COL16A1: variants seen among roughly 807,000 people sequenced by gnomAD.
COL16A1 encodes collagen type XVI alpha 1 chain.
COL16A1 carries 189 observed loss-of-function variants against 266.3 expected under a neutral mutation model. The ratio of observed to expected loss-of-function variants is 0.71; its 90% CI spans 0.63 to 0.80. The LOEUF is 0.80. Among genes scored for constraint, COL16A1 ranks in the 30% least tolerant of loss-of-function variants. The probability of loss-of-function intolerance (pLI) is 0.00; values close to 1 mark genes in which losing one functional copy is unlikely to be tolerated. For synonymous variants in COL16A1, 740 were observed against 782.3 expected, an observed-to-expected ratio of 0.95 and a Z score of 0.90; for missense variants, 1,928 against 2,122.4, an observed-to-expected ratio of 0.91 and a Z score of 1.80.
chr1:31,665,741 A>C, intron 54 of COL16A1, 123 bp from the exon 55 acceptor site: 2 of 1,593,242 alleles, frequency 1.3e-6, no homozygotes, highest in East Asian at 2.2e-5. Context: ...CCCTCTGCCC[A>C]CCATGGCTGG....
Position 31,697,377 on chromosome 1 carries a change from G to C in COL16A1, c.658-77C>G. The stretch of plus-strand genomic sequence containing the variant: ...GTCCTGGCCCCCCAGGAGGCACAGA[G>C]ATGTCTCTGCCCCAGGATGTGACCT... On this transcript the variant is annotated intron_variant, in intron 6 of 70. Transcript: ENST00000373672. The surrounding 1 kb of genome is among the most constrained non-coding windows in gnomAD (Gnocchi z 4.2). 2.1e-6 allele frequency: 3 copies of C among 1,402,210 alleles called. No individual in the cohort carries two copies. Among genetic ancestry groups the C allele is most frequent in the Non-Finnish European group, 2.9e-6 (3 of 1,023,808 alleles). 86.9% of individuals were successfully genotyped at this position (1,402,210 alleles called of 1,614,324 possible). A position where few individuals can be genotyped will look rare whatever the true frequency, so the allele number is the denominator to read the frequency against.
chr1:31,665,186 G>T lies in COL16A1; in HGVS notation c.3541C>A (p.Pro1181Thr). The T allele has an allele frequency of 6.2e-7, 1 of 1,603,264 alleles. No homozygotes were observed. The highest frequency in any genetic ancestry group is 1.3e-5 in the African/African-American group (1 of 74,228). ...GTCCTGCTCACCTTCTCTGCTTGAG[G>T]GCCAGGTGGGCCAGGTGATCCAACT... ...GKVGSPGPPG[P>T]QAEKGSEGIR... is the part of the protein sequence containing the mutation. The change falls in exon 56 of 71, where the codon CCT becomes ACT. Residue 1181 changes from proline to threonine, a missense_variant. Pro to Thr is a conservative substitution (Grantham distance 38). Transcript: ENST00000373672.
chr1:31,665,404 C>A (rs982326745), intron 55 of COL16A1, 170 bp from the exon 56 acceptor site: 26 of 1,421,000 alleles, frequency 1.8e-5, no homozygotes, highest in Non-Finnish European at 2.5e-5. Flanking sequence ...GGGGCCCACA[C>A]AAGAGGCTGG....
rs145066293 is a variant in COL16A1, at chr1:31,697,643, C to T, written c.657+263G>A. Reference sequence around the variant, plus strand: ...CACGGCAGTGTGAAAGCACTGGGTGCGCTGGATGGCTAGGATGGAATTGAT... The same window carrying T: ...CACGGCAGTGTGAAAGCACTGGGTGTGCTGGATGGCTAGGATGGAATTGAT... On this transcript the variant is annotated intron_variant, in intron 6 of 70. Transcript: ENST00000373672. The surrounding 1 kb of genome is among the most constrained non-coding windows in gnomAD (Gnocchi z 4.2). 4.1e-4 allele frequency among the ~76,000 whole-genome samples: 62 copies of T among 152,142 alleles called. No individual in the cohort carries two copies. The highest frequency in any genetic ancestry group is 2.2e-3 in the Admixed American group (34 of 15,280).
At position 31,662,628 on chromosome 1, in the gene COL16A1, G is replaced by A. The variant is rs1249417653; in HGVS notation, c.3586C>T (p.Leu1196=). Residue 1196 remains leucine (L), a synonymous_variant, in exon 57 of 71, where the codon CTG becomes TTG. Coordinates refer to ENST00000373672, the MANE Select transcript of COL16A1 (RefSeq NM_001856.4). Reference sequence around the variant, plus strand: ...CCCGGTGGCCCAGGGGAGCCAGGCAGGCCTGATGGGCCTCGAATCCCTTCG... The same window carrying A: ...CCCGGTGGCCCAGGGGAGCCAGGCAAGCCTGATGGGCCTCGAATCCCTTCG... ...GSEGIRGPSG[L]PGSPGPPGPP... 2 of 1,556,952 alleles carry A rather than the reference G, an allele frequency of 1.3e-6. No homozygotes were observed. The highest frequency in any genetic ancestry group is 1.7e-6 in the Non-Finnish European group (2 of 1,151,176).
chr1:31,688,340 T>C lies in COL16A1; in HGVS notation c.1803+127A>G. On this transcript the variant is annotated intron_variant, in intron 26 of 70. Coordinates refer to ENST00000373672, the MANE Select transcript of COL16A1 (RefSeq NM_001856.4). This position sits in a 1 kb window ranked among gnomAD's most constrained non-coding sequence, Gnocchi z 4.9. ...TCAAGTCTGCAAAACACTAGTAAAT[T>C]AATTTCACTGTGAATTTACCGTCTG... The C allele has an allele frequency of 9.1e-7, 1 of 1,098,936 alleles. No homozygotes were observed. The highest frequency in any genetic ancestry group is 1.4e-6 in the Non-Finnish European group (1 of 728,132). 68.1% of individuals were successfully genotyped at this position (1,098,936 alleles called of 1,614,324 possible).
intron 62 of COL16A1, among the ~76,000 whole-genome samples, chr1:31,659,283 G>A (rs1326541375): frequency 6.6e-6 from 1 of 152,160 alleles, no homozygotes. Context: ...TTACTCCCTG[G>A]CCTAGGTGGC....
At chr1:31,703,305 G>A (rs192459400) in intron 1 of COL16A1, among the ~76,000 whole-genome samples, 1 of 152,208 alleles carries the variant, frequency 6.6e-6, no homozygotes, top group African/African-American at 2.4e-5. Flanking sequence ...CCTCAATCAT[G>A]GATAGGAAAT....
At chr1:31,674,598 C>T (rs1333957657) in intron 44 of COL16A1, among the ~76,000 whole-genome samples, 1 of 152,248 alleles carries the variant, frequency 6.6e-6, no homozygotes, top group Non-Finnish European at 1.5e-5. Flanking sequence ...TAGAGAACAG[C>T]TGAAGCTTTC....
chr1:31,672,547 C>T, intron 46 of COL16A1, 45 bp from the exon 47 acceptor site: 1 of 1,613,262 alleles, frequency 6.2e-7, no homozygotes, highest in East Asian at 2.2e-5. Context: ...CAGGGCCTGT[C>T]CCTGTGGGGC....
Position 31,656,981 on chromosome 1 carries a change from C to T in COL16A1, c.4056+52G>A, listed in dbSNP as rs913216977. Reference sequence around the variant, plus strand: ...AAAATGAAGAGGGGTCAGGGCAAGGCGAGGAGCAAGAAGCACCCCCAAGGA... The same window carrying T: ...AAAATGAAGAGGGGTCAGGGCAAGGTGAGGAGCAAGAAGCACCCCCAAGGA... On this transcript the variant is annotated intron_variant, in intron 65 of 70. Transcript: ENST00000373672. The surrounding 1 kb of genome is among the most constrained non-coding windows in gnomAD (Gnocchi z 4.2). 147 of 1,612,694 alleles carry T rather than the reference C, an allele frequency of 9.1e-5. No homozygotes were observed. Among genetic ancestry groups the T allele is most frequent in the Non-Finnish European group, 1.2e-4 (139 of 1,178,904 alleles).
At position 31,691,423 on chromosome 1, in the gene COL16A1, C is replaced by G. The variant is rs1360176108; in HGVS notation, c.1392G>C (p.Gly464=). The change falls in exon 19 of 71, where the codon GGG becomes GGC. Residue 464 remains glycine (G), a synonymous_variant. Coordinates refer to ENST00000373672, the MANE Select transcript of COL16A1 (RefSeq NM_001856.4). ...GAAGCAAGGGGGTACTCACCGGGGT[C>G]CCAGGCAGTCCTATCCCAGGGGGTC... ...LPGPPGIGLP[G]TPGDPGGPPG... The G allele has an allele frequency of 1.2e-6, 2 of 1,610,794 alleles. No individual in the cohort carries two copies. The highest frequency in any genetic ancestry group is 1.7e-5 in the Admixed American group (1 of 59,690).
chr1:31,689,684 C>T, intron 23 of COL16A1, 57 bp downstream of exon 23: 2 of 1,404,594 alleles, frequency 1.4e-6, no homozygotes, highest in Non-Finnish European at 2.0e-6. Flanking sequence ...ATGATCATGT[C>T]CCCAGGTTTC....
rs140698315 is a variant in COL16A1 at position 31,661,025 on chromosome 1, A to T, written c.3825+41T>A. On this transcript the variant is annotated intron_variant, in intron 61 of 70. Transcript: ENST00000373672. ...TGCATCCCAGACTCTGCAGAGTCTG[A>T]AGGCAAACTGAAGGCAGCCATGTGG... The T allele has an allele frequency of 6.6e-3, 10,255 of 1,544,050 alleles. 61 individuals carry two copies. Among genetic ancestry groups the T allele is most frequent in the Middle Eastern group, 0.046 (274 of 5,936 alleles).
intron 68 of COL16A1, 129 bp downstream of exon 68, chr1:31,654,663 G>A: frequency 6.5e-7 from 1 of 1,543,718 alleles, no homozygotes; most frequent in Non-Finnish European, 8.8e-7. Context: ...TCAACCCCAG[G>A]CCTGTGAGTG....
chr1:31,699,939 G>C lies in COL16A1; in HGVS notation c.149-9C>G, dbSNP rs758937152. 6.2e-7 allele frequency: 1 copy of C among 1,606,798 alleles called. No individual in the cohort carries two copies. Among genetic ancestry groups the C allele is most frequent in the Non-Finnish European group, 8.5e-7 (1 of 1,173,180 alleles). ...GTGGATGAGGTTGAAGCCTTTGGGG[G>C]AGACATCAGGTGAAGAGCTCAGCTG... On this transcript the variant is annotated splice_polypyrimidine_tract_variant and intron_variant, in intron 3 of 70. Coordinates refer to ENST00000373672, the MANE Select transcript of COL16A1 (RefSeq NM_001856.4).
Position 31,685,746 on chromosome 1 carries a change from C to T in COL16A1, c.1909G>A (p.Ala637Thr). The change falls in exon 29 of 71, where the codon GCC becomes ACC. Residue 637 changes from alanine (A) to threonine (T), a missense_variant. Coordinates refer to ENST00000373672, the MANE Select transcript of COL16A1 (RefSeq NM_001856.4). The surrounding 1 kb of genome is among the most constrained non-coding windows in gnomAD (Gnocchi z 4.0). The part of the protein sequence containing the change: ...AKGEPCEPCP[A>T]LSNLQDGDVR... Reference sequence around the variant, plus strand: ...TCCCCATCCTGAAGGTTGGACAGGGCTGGGCACGGCTCACAGGGCTCCCCC... The same window carrying T: ...TCCCCATCCTGAAGGTTGGACAGGGTTGGGCACGGCTCACAGGGCTCCCCC... The T allele has an allele frequency of 1.2e-6, 2 of 1,613,978 alleles. No homozygotes were observed. Among genetic ancestry groups the T allele is most frequent in the Non-Finnish European group, 1.7e-6 (2 of 1,180,024 alleles).
chr1:31,692,732 T>C, intron 14 of COL16A1, 35 bp downstream of exon 14: 1 of 1,613,318 alleles, frequency 6.2e-7, no homozygotes, highest in South Asian at 1.1e-5. Context: ...TGGCCCCATA[T>C]TGGCCCTGAA....
intron 16 of COL16A1, 60 bp downstream of exon 16, chr1:31,692,414 C>T: frequency 6.4e-7 from 1 of 1,568,768 alleles, no homozygotes; most frequent in Non-Finnish European, 8.6e-7. Flanking sequence ...CCTCCTTCCT[C>T]ATGGCTGTAG....
Sources: gnomAD v4.1 joint callset for allele counts (sites outside exome capture counted in the v4.1 genomes callset) on GRCh38, gnomAD v4.1.1 for gene constraint, Gnocchi (gnomAD v3.1) non-coding constraint, MANE v1.5 for transcripts, NCBI Gene and HGNC (gene_info 2026-07-23, HGNC 2026-07-21) for gene names.